The following FBXL18 variants were observed in gnomAD, a reference collection of about 807,000 sequenced individuals.
The protein encoded by FBXL18 is F-box and leucine rich repeat protein 18.
Under a neutral mutation model 46.0 loss-of-function variants are expected in FBXL18, and 36 were observed. The ratio of observed to expected loss-of-function variants is 0.78; its 90% CI spans 0.60 to 1.03. The LOEUF is 1.03. Ranked by LOEUF, FBXL18 falls within the 50% of genes least tolerant of loss-of-function variation. The pLI, the probability that FBXL18 is intolerant of heterozygous loss-of-function variation, is 0.00. For missense variants in FBXL18, 977 were observed against 1,004.1 expected, an observed-to-expected ratio of 0.97 and a Z score of 0.36; for synonymous variants, 557 against 465.3, an observed-to-expected ratio of 1.20 and a Z score of -2.54.
intron 1 of FBXL18, among the ~76,000 whole-genome samples, chr7:5,513,031 C>T (rs192849788): frequency 6.6e-6 from 1 of 152,312 alleles, no homozygotes. Flanking sequence ...AACGGGAAGC[C>T]ACTAGTCAGA....
At chr7:5,482,823 G>A (rs1783682659) in intron 4 of FBXL18, among the ~76,000 whole-genome samples, 1 of 151,994 alleles carries the variant, frequency 6.6e-6, no homozygotes, top group African/African-American at 2.4e-5. Context: ...ATTGTTTGAG[G>A]CCAGGAGTCC....
chr7:5,489,206 T>G (rs745787466), intron 4 of FBXL18: 2 of 514,284 alleles, frequency 3.9e-6, no homozygotes, highest in Non-Finnish European at 7.8e-6. Context: ...CTTTATTTAC[T>G]GACACAAGAG....
At chr7:5,463,724 ATTTATTTTTTTTTTT>A (rs1783294658) in intron 4 of FBXL18, among the ~76,000 whole-genome samples, 2 of 59,672 alleles carry the variant, frequency 3.4e-5, no homozygotes, top group African/African-American at 1.5e-4. Flanking sequence ...TTATTTATTT[ATTTATTTTTTTTTTT>A]TTTTTTTTTT....
chr7:5,505,395 C>T lies in FBXL18; in HGVS notation c.237+17G>A, dbSNP rs777591301. On this transcript the variant is annotated intron_variant, in intron 2 of 4. Coordinates refer to ENST00000382368, the MANE Select transcript of FBXL18 (RefSeq NM_024963.6). ...GATCTAGCTTGTTTCTCATCTCCTG[C>T]CCCCACGCCTGCTCACCTGATAGTC... The T allele has an allele frequency of 1.2e-6, 2 of 1,610,088 alleles. No individual in the cohort carries two copies. Among genetic ancestry groups the T allele is most frequent in the South Asian group, 2.2e-5 (2 of 90,968 alleles).
chr7:5,503,948 C>A (rs751209398), intron 2 of FBXL18, among the ~76,000 whole-genome samples: 1 of 148,150 alleles, frequency 6.7e-6, no homozygotes, highest in Non-Finnish European at 1.5e-5. Context: ...GCCTGGGCAA[C>A]AGAGTGAGAC....
chr7:5,461,079 C>G (rs1159124090), intron 4 of FBXL18, among the ~76,000 whole-genome samples: 10 of 152,178 alleles, frequency 6.6e-5, no homozygotes, highest in Non-Finnish European at 1.3e-4. Flanking sequence ...TCCTGGTGTC[C>G]TGGTGCCCAA....
At chr7:5,482,802 G>A (rs1783681983) in intron 4 of FBXL18, among the ~76,000 whole-genome samples, 1 of 152,172 alleles carries the variant, frequency 6.6e-6, no homozygotes, top group African/African-American at 2.4e-5. Context: ...CTGGGAGGCT[G>A]AGGTGGGAGG....
Position 5,496,556 on chromosome 7 carries a change from G to C in FBXL18, c.1781+3932C>G, listed in dbSNP as rs112631934. 0.076 allele frequency among the ~76,000 whole-genome samples: 11,506 copies of C among 152,252 alleles called. 633 individuals are homozygous for C. The highest frequency in any genetic ancestry group is 0.17 in the South Asian group (838 of 4,824). ...GACCTCAGCCTGGACTCAGGGCTTG[G>C]CTTAGGCCCATCAACTAGGAGGCCA... On this transcript the variant is annotated intron_variant, in intron 3 of 4. Transcript: ENST00000382368. The surrounding 1 kb of genome is among the most constrained non-coding windows in gnomAD (Gnocchi z 4.8).
At chr7:5,489,199 T>C (rs776454850) in intron 4 of FBXL18, 1 of 513,754 alleles carries the variant, frequency 1.9e-6, no homozygotes, top group Middle Eastern at 3.2e-4. Flanking sequence ...CTTAGGGCTT[T>C]ATTTACTGAC....
At chr7:5,464,052 T>C (rs562662508) in intron 4 of FBXL18, among the ~76,000 whole-genome samples, 1 of 152,092 alleles carries the variant, frequency 6.6e-6, no homozygotes, top group Non-Finnish European at 1.5e-5. Flanking sequence ...AACTATACAT[T>C]TTTAAATAAC....
At chr7:5,458,302 C>G (rs985593950) in intron 4 of FBXL18, among the ~76,000 whole-genome samples, 2 of 152,306 alleles carry the variant, frequency 1.3e-5, no homozygotes, top group African/African-American at 4.8e-5. Context: ...CAGTGGCTCA[C>G]GCCTGTAATC....
At chr7:5,500,357 G>A (rs1784201579) in intron 3 of FBXL18, 131 bp downstream of exon 3, 5 of 789,050 alleles carry the variant, frequency 6.3e-6, no homozygotes, top group Non-Finnish European at 8.0e-6. Flanking sequence ...GACCGACGTG[G>A]CACGCTGCGA....
At chr7:5,507,797 G>A (rs1362976226) in intron 1 of FBXL18, among the ~76,000 whole-genome samples, 1 of 151,976 alleles carries the variant, frequency 6.6e-6, no homozygotes, top group Non-Finnish European at 1.5e-5. Context: ...TCACACCACT[G>A]CACTCCAGCC....
rs1783591126 is a variant in FBXL18 at position 5,479,483 on chromosome 7, AC to A, written c.*2291del. Reference sequence around the variant, plus strand: ...AGTGGTCAGTCCCAGGAGGCACCACACCACCCGATCTGATCGCCGCGCCTGG... The same window carrying A: ...AGTGGTCAGTCCCAGGAGGCACCACACACCCGATCTGATCGCCGCGCCTGG... On this transcript the variant is annotated 3_prime_UTR_variant, in exon 5 of 5. Coordinates refer to ENST00000382368, the MANE Select transcript of FBXL18 (RefSeq NM_024963.6). 6.6e-6 allele frequency: 1 copy of A among 152,188 alleles called. No individual in the cohort carries two copies. The highest frequency in any genetic ancestry group is 1.5e-5 in the Non-Finnish European group (1 of 68,062). 9.4% of individuals were successfully genotyped at this position (152,188 alleles called of 1,614,324 possible). A position where few individuals can be genotyped will look rare whatever the true frequency, so the allele number is the denominator to read the frequency against.
In FBXL18 at chr7:5,506,560, T is replaced by TC. The variant is rs567305105; in HGVS notation, c.19-931_19-930insG. ...GTGAGCCACCATGCCCGGCTTTTTT[T>TC]TTTTTTTTCTTTTGGAGAAAGAGTC... On this transcript the variant is annotated intron_variant, in intron 1 of 4. Transcript: ENST00000382368. 7.9e-5 allele frequency among the ~76,000 whole-genome samples: 12 copies of TC among 151,330 alleles called. No homozygotes were observed. In the South Asian group the frequency reaches 2.5e-3, roughly 32 times the overall value.
chr7:5,500,092 A>AT lies in FBXL18; in HGVS notation c.1781+395dup, dbSNP rs1272628370. On this transcript the variant is annotated intron_variant, in intron 3 of 4. Transcript: ENST00000382368. ...AAATAAATAAATAAATAAAATTTAA[A>AT]TTAAAAAAAAAAAAGGAATTGCATT... is the stretch of plus-strand genomic sequence containing the variant. Among the ~76,000 whole-genome samples, 16 of 26,584 alleles carry AT rather than the reference A, an allele frequency of 6.0e-4. No individual in the cohort carries two copies. The East Asian group carries it at 9.9e-3, about 16-fold the overall frequency. 17.4% of individuals were successfully genotyped at this position (26,584 alleles called of 152,430 possible).
intron 4 of FBXL18, among the ~76,000 whole-genome samples, chr7:5,463,728 A>ATTTATTTATTTTTTTTTTTTTTTTT (rs1562672288): frequency 9.4e-5 from 5 of 53,034 alleles, no homozygotes; most frequent in African/African-American, 2.4e-4. Context: ...TTATTTATTT[A>ATTTATTTATTTTTTTTTTTTTTTTT]TTTTTTTTTT....
chr7:5,505,174 G>T (rs1234608284), intron 2 of FBXL18, among the ~76,000 whole-genome samples: 1 of 151,772 alleles, frequency 6.6e-6, no homozygotes, highest in Non-Finnish European at 1.5e-5. Context: ...AAGGCCCTAG[G>T]TTCCCTCCCA....
intron 4 of FBXL18, among the ~76,000 whole-genome samples, chr7:5,468,509 G>T (rs545714512): frequency 6.6e-5 from 10 of 152,332 alleles, no homozygotes; most frequent in African/African-American, 1.9e-4. Context: ...GAGAACGTGG[G>T]TGTGAACTAT....
Sources: gnomAD v4.1 joint callset for allele counts (sites outside exome capture counted in the v4.1 genomes callset) on GRCh38, gnomAD v4.1.1 for gene constraint, Gnocchi (gnomAD v3.1) non-coding constraint, MANE v1.5 for transcripts, NCBI Gene and HGNC (gene_info 2026-07-23, HGNC 2026-07-21) for gene names.